The following MIR17HG variants were observed in gnomAD, a reference collection of about 807,000 sequenced individuals.
The protein encoded by MIR17HG is MIR17 host gene (non-protein coding).
intron 1 of MIR17HG, among the ~76,000 whole-genome samples, chr13:91,349,293 C>T (rs532580720): frequency 6.6e-6 from 1 of 152,274 alleles, no homozygotes; most frequent in East Asian, 1.9e-4. Flanking sequence ...ATCAGGACCA[C>T]AGCAGTTGGA....
chr13:91,350,187 A>C (rs1875224274), exon 3 of MIR17HG: 1 of 177,476 alleles, frequency 5.6e-6, no homozygotes, highest in African/African-American at 2.4e-5. Context: ...AAGAGGAGGA[A>C]AATGTTTTGC....
intron 3 of MIR17HG, chr13:91,352,312 C>T (rs533663413): frequency 6.6e-6 from 1 of 152,152 alleles, no homozygotes; most frequent in African/African-American, 2.4e-5. Context: ...TTGTCTCTAG[C>T]CTATGTGTAT....
At chr13:91,353,182 T>C (rs1453846237) in intron 3 of MIR17HG, among the ~76,000 whole-genome samples, 1 of 151,784 alleles carries the variant, frequency 6.6e-6, no homozygotes, top group East Asian at 1.9e-4. Flanking sequence ...ATGGTGTGCT[T>C]TTGGGGAGAT....
chr13:91,349,421 G>A (rs1199365882), intron 1 of MIR17HG, among the ~76,000 whole-genome samples: 7 of 151,962 alleles, frequency 4.6e-5, no homozygotes, highest in Non-Finnish European at 8.8e-5. Context: ...CAGTGGAGTC[G>A]GTGATTGCTG....
chr13:91,351,188 T>G (rs1002349918), intron 3 of MIR17HG: 1 of 527,102 alleles, frequency 1.9e-6, no homozygotes, highest in African/African-American at 1.9e-5. Context: ...GTCCTGTTAC[T>G]GAACACTGTT....
intron 3 of MIR17HG, chr13:91,351,895 G>C (rs1365327887): frequency 6.4e-6 from 1 of 155,084 alleles, no homozygotes; most frequent in Non-Finnish European, 1.4e-5. Flanking sequence ...CAATACATGA[G>C]TAACTGAAGT....
chr13:91,348,948 G>C (rs1481530814), intron 1 of MIR17HG, among the ~76,000 whole-genome samples: 5 of 149,670 alleles, frequency 3.3e-5, no homozygotes, highest in African/African-American at 1.2e-4. Flanking sequence ...ACACAAAGGA[G>C]GGGCGGCGCG....
chr13:91,353,197 T>C (rs1258303454), intron 3 of MIR17HG, among the ~76,000 whole-genome samples: 1 of 146,618 alleles, frequency 6.8e-6, no homozygotes, highest in Non-Finnish European at 1.5e-5. Context: ...GGAGATACAC[T>C]AGCAATTTTT....
intron 3 of MIR17HG, chr13:91,351,294 A>AG (rs1321079511): frequency 1.9e-6 from 1 of 531,770 alleles, no homozygotes; most frequent in South Asian, 1.4e-5. Context: ...TCTGTAGAAA[A>AG]GTAAGGGAAA....
chr13:91,352,070 A>G (rs2138693994), intron 3 of MIR17HG: 1 of 152,470 alleles, frequency 6.6e-6, no homozygotes, highest in Non-Finnish European at 1.5e-5. Context: ...ATGTATGTGT[A>G]CACTCTTCCC....
chr13:91,348,424 G>T (rs1018720152), intron 1 of MIR17HG, among the ~76,000 whole-genome samples: 1 of 151,022 alleles, frequency 6.6e-6, no homozygotes, highest in Non-Finnish European at 1.5e-5. Flanking sequence ...GGCGGCGGCG[G>T]CGGCACATGG....
At chr13:91,353,431 C>T (rs2138696084) in intron 3 of MIR17HG, among the ~76,000 whole-genome samples, 1 of 152,208 alleles carries the variant, frequency 6.6e-6, no homozygotes, top group Non-Finnish European at 1.5e-5. Context: ...TGGTAGTGAT[C>T]TGTGGTTCTA....
At chr13:91,348,585 C>T (rs1016749696) in intron 1 of MIR17HG, among the ~76,000 whole-genome samples, 3 of 151,086 alleles carry the variant, frequency 2.0e-5, no homozygotes, top group South Asian at 4.1e-4. Context: ...GGGCGCCACC[C>T]CCGCTCCGCG....
intron 3 of MIR17HG, chr13:91,351,035 C>G (rs1875286482): frequency 3.8e-6 from 2 of 527,312 alleles, no homozygotes; most frequent in African/African-American, 3.9e-5. Context: ...GATGTAGAAT[C>G]TGCCTGGTCT....
At chr13:91,349,125 G>A (rs1875143160) in intron 1 of MIR17HG, among the ~76,000 whole-genome samples, 1 of 152,056 alleles carries the variant, frequency 6.6e-6, no homozygotes, top group African/African-American at 2.4e-5. Flanking sequence ...TGTGCGACAT[G>A]TGCTGCCGGC....
At chr13:91,350,585 A>G in intron 3 of MIR17HG, 1 of 533,870 alleles carries the variant, frequency 1.9e-6, no homozygotes, top group South Asian at 1.4e-5. Context: ...ATCACCTTGT[A>G]AAACTGAAGA....
chr13:91,354,003 A>G (rs938456975), exon 4 of MIR17HG: 7 of 152,724 alleles, frequency 4.6e-5, no homozygotes, highest in African/African-American at 1.7e-4. Flanking sequence ...ACTCCTGACA[A>G]AATGCAGCCT....
At chr13:91,351,822 T>G (rs1194787783) in intron 3 of MIR17HG, 1 of 160,618 alleles carries the variant, frequency 6.2e-6, no homozygotes, top group African/African-American at 2.4e-5. Flanking sequence ...AAGATGAGTT[T>G]TTTTAAGCAT....
chr13:91,351,494 ACT>A (rs1875312492), intron 3 of MIR17HG: 1 of 400,816 alleles, frequency 2.5e-6, no homozygotes, highest in Non-Finnish European at 5.5e-6. Flanking sequence ...AAAATGTGTA[ACT>A]TTTTGTGTAA....
Sources: gnomAD v4.1 joint callset for allele counts (sites outside exome capture counted in the v4.1 genomes callset) on GRCh38, gnomAD v4.1.1 for gene constraint, MANE v1.5 for transcripts, NCBI Gene and HGNC (gene_info 2026-07-23, HGNC 2026-07-21) for gene names.